Variants in NR5A2 observed in about 807,000 individuals in gnomAD.
The protein encoded by NR5A2 is nuclear receptor subfamily 5 group A member 2, also known as CYP7A promoter-binding factor.
NR5A2 carries 26 observed loss-of-function variants against 62.7 expected under a neutral mutation model. The observed-to-expected ratio is 0.41, with a 90% confidence interval of 0.30 to 0.58. The LOEUF (loss-of-function observed/expected upper bound fraction) is 0.58. Ranked by LOEUF, NR5A2 falls within the 20% of genes least tolerant of loss-of-function variation. NR5A2 has a pLI of 0.22. For missense variants in NR5A2, 541 were observed against 669.1 expected (o/e 0.81, Z 2.11); for synonymous variants, 246 against 241.7 (o/e 1.02, Z -0.16).
intron 5 of NR5A2, among the ~76,000 whole-genome samples, chr1:200,072,569 G>A (rs936320514): frequency 6.6e-6 from 1 of 152,112 alleles, no homozygotes; most frequent in Non-Finnish European, 1.5e-5. Context: ...GGAAGTGGGA[G>A]TAAAATATTT....
At chr1:200,038,638 C>G in intron 1 of NR5A2, 2 of 1,145,452 alleles carry the variant, frequency 1.7e-6, no homozygotes, top group Non-Finnish European at 2.4e-6. Context: ...TCTCCTCATC[C>G]GACACACTAG....
chr1:200,167,412 A>G lies in NR5A2; in HGVS notation c.1379-6551A>G, dbSNP rs1653952828. 3.3e-5 allele frequency among the ~76,000 whole-genome samples: 5 copies of G among 152,130 alleles called. 1 individual carries two copies. The South Asian group carries it at 8.3e-4, about 25-fold the overall frequency. On this transcript the variant is annotated intron_variant, in intron 7 of 7. Transcript: ENST00000367362. ...GCCAGCAAACCCTGTTGCATCAACC[A>G]TCTTGATGCCTTTCAAGTCCCTCCC... is the stretch of plus-strand genomic sequence containing the variant.
intron 7 of NR5A2, among the ~76,000 whole-genome samples, chr1:200,128,734 G>GT (rs1666839432): frequency 6.6e-6 from 1 of 152,176 alleles, no homozygotes; most frequent in African/African-American, 2.4e-5. Flanking sequence ...GAGGAGTGTA[G>GT]TAAGTTTGTA....
chr1:200,053,215 T>A (rs1164612410), intron 5 of NR5A2, among the ~76,000 whole-genome samples: 1 of 152,178 alleles, frequency 6.6e-6, no homozygotes, highest in African/African-American at 2.4e-5. Flanking sequence ...AGGACACATA[T>A]AAGCGAGCTG....
intron 5 of NR5A2, among the ~76,000 whole-genome samples, chr1:200,081,079 A>C (rs965454607): frequency 2.0e-5 from 3 of 152,204 alleles, no homozygotes; most frequent in Admixed American, 2.0e-4. Context: ...ATCACCAGTT[A>C]CATTGAGTTG....
At chr1:200,108,988 TC>T (rs1665818534) in intron 5 of NR5A2, among the ~76,000 whole-genome samples, 1 of 152,226 alleles carries the variant, frequency 6.6e-6, no homozygotes, top group Admixed American at 6.5e-5. Context: ...CTGGAGACTT[TC>T]CTTCAAAGAA....
intron 5 of NR5A2, among the ~76,000 whole-genome samples, chr1:200,106,138 A>G (rs1665656035): frequency 6.6e-6 from 1 of 150,948 alleles, no homozygotes; most frequent in Admixed American, 6.6e-5. Context: ...GCTCATTGCA[A>G]CCTCTGCCTC....
intron 5 of NR5A2, among the ~76,000 whole-genome samples, chr1:200,067,358 A>C (rs1302438737): frequency 1.3e-5 from 2 of 152,216 alleles, no homozygotes; most frequent in African/African-American, 4.8e-5. Flanking sequence ...GGAGTTCAAG[A>C]CCAGCCTAAC....
At chr1:200,106,152 G>C (rs1269864689) in intron 5 of NR5A2, among the ~76,000 whole-genome samples, 1 of 151,676 alleles carries the variant, frequency 6.6e-6, no homozygotes, top group Non-Finnish European at 1.5e-5. Flanking sequence ...CTGCCTCCTG[G>C]GTTCCAGTGA....
At chr1:200,097,611 G>A (rs1558136491) in intron 5 of NR5A2, among the ~76,000 whole-genome samples, 1 of 152,180 alleles carries the variant, frequency 6.6e-6, no homozygotes. Flanking sequence ...AAACCCAATA[G>A]TTGTAGAGAT....
intron 5 of NR5A2, among the ~76,000 whole-genome samples, chr1:200,079,143 C>T (rs1400058687): frequency 2.0e-5 from 3 of 152,164 alleles, no homozygotes; most frequent in African/African-American, 7.2e-5. Context: ...TTCACCAGAA[C>T]AAATGTTATT....
chr1:200,144,239 A>T (rs1264660322), intron 7 of NR5A2, among the ~76,000 whole-genome samples: 1 of 119,934 alleles, frequency 8.3e-6, no homozygotes, highest in African/African-American at 3.4e-5. Flanking sequence ...TCTCTCACAC[A>T]CACACACACA....
intron 5 of NR5A2, among the ~76,000 whole-genome samples, chr1:200,085,958 CTG>C (rs1416664156): frequency 1.3e-5 from 2 of 152,118 alleles, no homozygotes; most frequent in East Asian, 3.9e-4. Context: ...TGTTTTAAGT[CTG>C]TGTGGTGCTC....
chr1:200,039,513 G>A lies in NR5A2; in HGVS notation c.65-145G>A. On this transcript the variant is annotated intron_variant, in intron 1 of 7. Coordinates refer to ENST00000367362, the MANE Select transcript of NR5A2 (RefSeq NM_205860.3). The surrounding 1 kb of genome is among the most constrained non-coding windows in gnomAD (Gnocchi z 5.1). Reference sequence around the variant, plus strand: ...CTTGGGGGCGGCTCCGGAGCTGCGAGACCGGACAGGGCTCAGAGGTCCTGC... The same window carrying A: ...CTTGGGGGCGGCTCCGGAGCTGCGAAACCGGACAGGGCTCAGAGGTCCTGC... 1.8e-6 allele frequency: 2 copies of A among 1,131,132 alleles called. No individual in the cohort carries two copies. Among genetic ancestry groups the A allele is most frequent in the Non-Finnish European group, 2.5e-6 (2 of 802,706 alleles). The allele number at this position is 1,131,132 out of a possible 1,614,324, so 70.1% of individuals were successfully genotyped here. A position where few individuals can be genotyped will look rare whatever the true frequency, so the allele number is the denominator to read the frequency against.
chr1:200,063,214 C>T (rs914597516), intron 5 of NR5A2, among the ~76,000 whole-genome samples: 2 of 152,044 alleles, frequency 1.3e-5, no homozygotes, highest in Admixed American at 1.3e-4. Context: ...TTAGTGGAGA[C>T]AGTGTTTCAC....
intron 3 of NR5A2, 116 bp downstream of exon 3, chr1:200,044,008 G>A (rs980183525): frequency 7.7e-6 from 5 of 650,444 alleles, no homozygotes; most frequent in African/African-American, 7.3e-5. Flanking sequence ...CTAAAAATGA[G>A]GGAGAAAGAG....
intron 7 of NR5A2, among the ~76,000 whole-genome samples, chr1:200,130,178 A>G (rs1666903490): frequency 6.6e-6 from 1 of 152,210 alleles, no homozygotes; most frequent in African/African-American, 2.4e-5. Flanking sequence ...ACTGAAACAA[A>G]GGGAAAAATG....
intron 5 of NR5A2, among the ~76,000 whole-genome samples, chr1:200,107,797 A>C (rs767366677): frequency 1.3e-5 from 2 of 150,504 alleles, no homozygotes; most frequent in Non-Finnish European, 2.9e-5. Context: ...CTGCCACCAG[A>C]CCTGGCTAGT....
intron 7 of NR5A2, among the ~76,000 whole-genome samples, chr1:200,173,058 T>C (rs560569237): frequency 3.9e-5 from 6 of 152,314 alleles, no homozygotes; most frequent in Middle Eastern, 3.4e-3. Context: ...CGTTTTCCCT[T>C]GCCTATTGTC....
Sources: allele counts gnomAD v4.1 joint callset (sites outside exome capture counted in the v4.1 genomes callset), GRCh38; gene constraint gnomAD v4.1.1; non-coding constraint Gnocchi (gnomAD v3.1); transcripts MANE v1.5; gene names NCBI Gene and HGNC (gene_info 2026-07-23, HGNC 2026-07-21).